Variants in SALL4 observed in about 807,000 individuals in gnomAD.
SALL4 encodes the protein spalt like transcription factor 4.
A neutral mutation model predicts 60.8 loss-of-function variants in SALL4; 4 were observed. The observed-to-expected ratio is 0.07, with a 90% CI of 0.03 to 0.15. The LOEUF (loss-of-function observed/expected upper bound fraction) is 0.15, where lower values mean the gene tolerates loss of function less well. SALL4 is among the 10% of genes least tolerant of loss of function. SALL4 has a pLI of 1.00. For missense variants in SALL4, 1,178 were observed against 1,394.7 expected, an observed-to-expected ratio of 0.84 and a Z score of 2.48; for synonymous variants, 580 against 574.9, an observed-to-expected ratio of 1.01 and a Z score of -0.13.
At chr20:51,796,128 G>A (rs536082939) in intron 1 of SALL4, among the ~76,000 whole-genome samples, 1 of 150,160 alleles carries the variant, frequency 6.7e-6, no homozygotes, top group South Asian at 2.1e-4. Flanking sequence ...GAACCCGGGA[G>A]GTGGAGGTTG....
At position 51,801,849 on chromosome 20, in the gene SALL4, T is replaced by C. The variant is rs2078111714; in HGVS notation, c.130+430A>G. Among the ~76,000 whole-genome samples the C allele has an allele frequency of 1.0e-5, 1 of 99,118 alleles. No individual in the cohort carries two copies. Among genetic ancestry groups the C allele is most frequent in the African/African-American group, 4.4e-5 (1 of 22,906 alleles). The allele number at this position is 99,118 out of a possible 152,430, so 65.0% of individuals were successfully genotyped here. Reference sequence around the variant, plus strand: ...TCCAAGAAAAGCCCCAAGGGGCTGGTGGAGAGGGTGGGGATCCCCCGGGGT... The same window carrying C: ...TCCAAGAAAAGCCCCAAGGGGCTGGCGGAGAGGGTGGGGATCCCCCGGGGT... On this transcript the variant is annotated intron_variant, in intron 1 of 3. Coordinates refer to ENST00000217086, the MANE Select transcript of SALL4 (RefSeq NM_020436.5). The surrounding 1 kb of genome is among the most constrained non-coding windows in gnomAD (Gnocchi z 5.2).
In SALL4 at chr20:51,788,323, TTGTGTGTGTGTGTGTGTG is replaced by T. The variant is rs3030173; in HGVS notation, c.2742+520_2742+537del. Among the ~76,000 whole-genome samples, 2 of 141,936 alleles carry T rather than the reference TTGTGTGTGTGTGTGTGTG, an allele frequency of 1.4e-5. No individual in the cohort carries two copies. Among genetic ancestry groups the T allele is most frequent in the African/African-American group, 5.3e-5 (2 of 37,894 alleles). 93.1% of individuals were successfully genotyped at this position (141,936 alleles called of 152,430 possible). A position where few individuals can be genotyped will look rare whatever the true frequency, so the allele number is the denominator to read the frequency against. Reference sequence around the variant, plus strand: ...GCATGCAACACCATGCCCAACTAATTTGTGTGTGTGTGTGTGTGTGTGTGTGTGTGTGTGTAAAGACGT... The same window carrying T: ...GCATGCAACACCATGCCCAACTAATTTGTGTGTGTGTGTGTGTAAAGACGT... On this transcript the variant is annotated intron_variant, in intron 3 of 3. Coordinates refer to ENST00000217086, the MANE Select transcript of SALL4 (RefSeq NM_020436.5). The surrounding 1 kb of genome is among the most constrained non-coding windows in gnomAD (Gnocchi z 4.1).
intron 2 of SALL4, among the ~76,000 whole-genome samples, chr20:51,789,372 A>AAATATATATATATATATATATATATATAT: frequency 6.6e-6 from 1 of 152,078 alleles, no homozygotes; most frequent in East Asian, 1.9e-4. Flanking sequence ...AGGCATGGGC[A>AAATATATATATATATATATATATATATAT]ACATATAAAC....
At chr20:51,785,940 CCTTT>C (rs975707998) in intron 3 of SALL4, among the ~76,000 whole-genome samples, 2 of 151,548 alleles carry the variant, frequency 1.3e-5, no homozygotes, top group South Asian at 2.1e-4. Flanking sequence ...CCACGTCCGG[CCTTT>C]TTTTTGAGTC....
chr20:51,790,681 C>T lies in SALL4; in HGVS notation c.1802G>A (p.Arg601Gln), dbSNP rs1415936268. 1.2e-6 allele frequency: 2 copies of T among 1,614,000 alleles called. No homozygotes were observed. Among genetic ancestry groups the T allele is most frequent in the Non-Finnish European group, 1.7e-6 (2 of 1,180,040 alleles). The change falls in exon 2 of 4, where the codon CGA becomes CAA. Residue 601 changes from arginine (R) to glutamine (Q), a missense_variant. Coordinates refer to ENST00000217086, the MANE Select transcript of SALL4 (RefSeq NM_020436.5). This position sits in a 1 kb window ranked among gnomAD's most constrained non-coding sequence, Gnocchi z 5.5. ...CAGGTTACCTTTGGTAGAAAAGGCT[C>T]GGCCACAGATCTTACACTGGAACGG... ...ERPFQCKICG[R>Q]AFSTKGNLKT...
Position 51,789,045 on chromosome 20 carries a change from G to A in SALL4, c.2558C>T (p.Pro853Leu). 6.2e-7 allele frequency: 1 copy of A among 1,614,198 alleles called. No individual in the cohort carries two copies. The highest frequency in any genetic ancestry group is 1.1e-5 in the South Asian group (1 of 91,074). ...GGCTGCTAACAAAGGGGTCATCCCT[G>A]GGGACAATGTCGAGGGTCCCACAAA... ...GTFVGPSTLS[P>L]GMTPLLAAQP... Residue 853 changes from proline (P) to leucine (L), a missense_variant, in exon 3 of 4, where the codon CCA becomes CTA. Transcript: ENST00000217086.
intron 3 of SALL4, among the ~76,000 whole-genome samples, chr20:51,785,941 CTT>C (rs73625468): frequency 6.7e-6 from 1 of 149,268 alleles, no homozygotes; most frequent in East Asian, 2.0e-4. Flanking sequence ...CACGTCCGGC[CTT>C]TTTTTTGAGT....
chr20:51,802,123 AGAG>A (rs1317981317), intron 1 of SALL4, among the ~76,000 whole-genome samples, 153 bp downstream of exon 1: 2 of 152,040 alleles, frequency 1.3e-5, no homozygotes, highest in South Asian at 2.1e-4. Flanking sequence ...GGTGGTGGGG[AGAG>A]GAGGAGACCT....
Position 51,789,934 on chromosome 20 carries a change from T to C in SALL4, c.2461+88A>G, listed in dbSNP as rs1426049061. The stretch of plus-strand genomic sequence containing the variant: ...CTATAGAAGGGGCTGCTTCAAGTCA[T>C]ACTCTCCGTTTGTAAAGTTCAACCC... On this transcript the variant is annotated intron_variant, in intron 2 of 3. Coordinates refer to ENST00000217086, the MANE Select transcript of SALL4 (RefSeq NM_020436.5). 5.7e-5 allele frequency: 88 copies of C among 1,542,432 alleles called. 1 individual carries two copies. Among genetic ancestry groups the C allele is most frequent in the Non-Finnish European group, 7.5e-5 (84 of 1,118,084 alleles).
chr20:51,796,196 C>CAAA (rs11474910), intron 1 of SALL4, among the ~76,000 whole-genome samples: 16 of 90,518 alleles, frequency 1.8e-4, no homozygotes, highest in Admixed American at 3.9e-4. Flanking sequence ...AAGACTGTCT[C>CAAA]AAAAAAAAAA....
chr20:51,792,775 G>A, intron 1 of SALL4: 1 of 1,082,036 alleles, frequency 9.2e-7, no homozygotes, highest in Middle Eastern at 4.5e-4. Flanking sequence ...GTTAGTGCCA[G>A]CCTACACATT....
chr20:51,800,263 A>ACT (rs1730729718), intron 1 of SALL4, among the ~76,000 whole-genome samples: 1 of 152,106 alleles, frequency 6.6e-6, no homozygotes, highest in African/African-American at 2.4e-5. Context: ...CCCACCCACC[A>ACT]GGTGTGAGCC....
At position 51,801,609 on chromosome 20, in the gene SALL4, T is replaced by A. The variant is rs556850361; in HGVS notation, c.130+670A>T. 6.6e-6 allele frequency: 1 copy of A among 152,144 alleles called. No individual in the cohort carries two copies. Among genetic ancestry groups the A allele is most frequent in the Non-Finnish European group, 1.5e-5 (1 of 68,222 alleles). 9.4% of individuals were successfully genotyped at this position (152,144 alleles called of 1,614,324 possible). A position where few individuals can be genotyped will look rare whatever the true frequency, so the allele number is the denominator to read the frequency against. On this transcript the variant is annotated intron_variant, in intron 1 of 3. Coordinates refer to ENST00000217086, the MANE Select transcript of SALL4 (RefSeq NM_020436.5). The surrounding 1 kb of genome is among the most constrained non-coding windows in gnomAD (Gnocchi z 5.2). ...CGCAGCCCGGGCAGAAAAGGCGAAA[T>A]CCAGAAAAGAAAAAAATTTTAAAGG...
In SALL4 at chr20:51,784,612, T is replaced by C. The variant is rs1242288286; in HGVS notation, c.2815A>G (p.Met939Val). The C allele has an allele frequency of 6.2e-7, 1 of 1,614,202 alleles. No homozygotes were observed. The highest frequency in any genetic ancestry group is 8.5e-7 in the Non-Finnish European group (1 of 1,180,036). ...TTTCCGTCCGTACCTAACAGAGCCA[T>C]GGTGTTCTCGATGGCCAACTTCCTT... is the stretch of plus-strand genomic sequence containing the variant. ...RGRKLAIENT[M>V]ALLGTDGKRV... Residue 939 changes from methionine (M) to valine (V), a missense_variant, in exon 4 of 4, where the codon ATG (methionine) becomes GTG (valine). By Grantham distance (21) the Met-to-Val change is conservative. Coordinates refer to ENST00000217086, the MANE Select transcript of SALL4 (RefSeq NM_020436.5).
chr20:51,784,675 T>A lies in SALL4; in HGVS notation c.2752A>T (p.Met918Leu), dbSNP rs527407463. 6.2e-7 allele frequency: 1 copy of A among 1,614,178 alleles called. No homozygotes were observed. Among genetic ancestry groups the A allele is most frequent in the Non-Finnish European group, 8.5e-7 (1 of 1,180,034 alleles). Residue 918 changes from methionine to leucine, a missense_variant, in exon 4 of 4, where the codon ATG becomes TTG. Met to Leu is a conservative substitution (Grantham distance 15, BLOSUM62 2). Around this residue, in one of 5 missense-constraint regions of SALL4, gnomAD observed 37 missense variants for 73.5 expected, o/e 0.50. Transcript: ENST00000217086. ...TTKGNLKVHY[M>L]THGANNNSAR... ...GAGTTATTGTTCGCCCCGTGTGTCA[T>A]GTAGTGAACCTATGGGAACAGGACA...
At position 51,790,886 on chromosome 20, in the gene SALL4, C is replaced by A. The variant is rs558350484; in HGVS notation, c.1597G>T (p.Ala533Ser). Reference sequence around the variant, plus strand: ...GTCCCACTCCCTTGGAAGCCACCAGCCCTTGGGGAATTATAGTTTGGTCCC... The same window carrying A: ...GTCCCACTCCCTTGGAAGCCACCAGACCTTGGGGAATTATAGTTTGGTCCC... Reference protein sequence around the residue: ...GVGPNYNSPRAGGFQGSGTPE... With the variant: ...GVGPNYNSPRSGGFQGSGTPE... Residue 533 changes from alanine (A) to serine (S), a missense_variant, in exon 2 of 4, where the codon GCT (alanine) becomes TCT (serine). Ala to Ser is a moderately conservative substitution (Grantham distance 99). This residue lies in a region of SALL4 where 853 missense variants were observed against 1,036.8 expected (regional missense o/e 0.82). Transcript: ENST00000217086. The surrounding 1 kb of genome is among the most constrained non-coding windows in gnomAD (Gnocchi z 5.5). 57 of 1,614,104 alleles carry A rather than the reference C, an allele frequency of 3.5e-5. No homozygotes were observed. The African/African-American group carries it at 6.4e-4, about 18-fold the overall frequency.
rs752283056 is a variant in SALL4, at chr20:51,792,029, C to T, written c.454G>A (p.Val152Met). The stretch of plus-strand genomic sequence containing the variant: ...GCTGTCTCTGTCTTTAGGTACACCA[C>T]AGACTCCGCATCCGGCTTCTCCTTC... Reference protein sequence around the residue: ...DMKEKPDAESVVYLKTETALP... With the variant: ...DMKEKPDAESMVYLKTETALP... The change falls in exon 2 of 4, where the codon GTG becomes ATG. Residue 152 changes from valine to methionine, a missense_variant. Transcript: ENST00000217086. 16 of 1,614,032 alleles carry T rather than the reference C, an allele frequency of 9.9e-6. No homozygotes were observed. The highest frequency in any genetic ancestry group is 1.4e-5 in the Non-Finnish European group (16 of 1,180,032).
At position 51,791,769 on chromosome 20, in the gene SALL4, C is replaced by T. The variant is rs768140710; in HGVS notation, c.714G>A (p.Gln238=). 3 of 1,613,998 alleles carry T rather than the reference C, an allele frequency of 1.9e-6. No homozygotes were observed. Among genetic ancestry groups the T allele is most frequent in the Non-Finnish European group, 2.5e-6 (3 of 1,180,056 alleles). Residue 238 remains glutamine (Q), a synonymous_variant, in exon 2 of 4, where the codon CAG becomes CAA. Coordinates refer to ENST00000217086, the MANE Select transcript of SALL4 (RefSeq NM_020436.5). This position sits in a 1 kb window ranked among gnomAD's most constrained non-coding sequence, Gnocchi z 4.6. The stretch of plus-strand genomic sequence containing the variant: ...GGGCGTGGGAGGCCCACATGTTCAC[C>T]TGGATGCGGATCTGCTCGGTGAGCT... ...QIQLTEQIRI[Q]VNMWASHALH...
intron 3 of SALL4, among the ~76,000 whole-genome samples, chr20:51,787,043 CA>C (rs908788984): frequency 4.0e-5 from 6 of 151,878 alleles, no homozygotes; most frequent in African/African-American, 1.5e-4. Flanking sequence ...TGCAGTGAGT[CA>C]AGATGGCACC....
Sources: gnomAD v4.1 joint callset for allele counts (sites outside exome capture counted in the v4.1 genomes callset) on GRCh38, gnomAD v4.1.1 for gene constraint, gnomAD v4.1.1 regional missense constraint, Gnocchi (gnomAD v3.1) non-coding constraint, MANE v1.5 for transcripts, NCBI Gene and HGNC (gene_info 2026-07-23, HGNC 2026-07-21) for gene names.